The following LNP1 variants were observed in gnomAD, a reference collection of about 807,000 sequenced individuals.
LNP1 encodes leukemia NUP98 fusion partner 1.
Under a neutral mutation model 14.5 loss-of-function variants are expected in LNP1, and 12 were observed. The ratio of observed to expected loss-of-function variants is 0.83; its 90% CI spans 0.53 to 1.34. The LOEUF is 1.34. Among genes scored for constraint, LNP1 ranks in the 40% most tolerant of loss-of-function variants. The pLI, the probability that LNP1 is intolerant of heterozygous loss-of-function variation, is 0.00. For missense variants in LNP1, 198 were observed against 210.9 expected, an observed-to-expected ratio of 0.94 and a Z score of 0.38; for synonymous variants, 75 against 71.4, an observed-to-expected ratio of 1.05 and a Z score of -0.26.
chr3:100,403,464 T>G (rs1185492235), intron 1 of LNP1, among the ~76,000 whole-genome samples: 1 of 152,018 alleles, frequency 6.6e-6, no homozygotes, highest in East Asian at 1.9e-4. Flanking sequence ...GTGGAAGACC[T>G]GAGTTTTTTT....
At chr3:100,417,260 T>C (rs1355110399) in intron 1 of LNP1, among the ~76,000 whole-genome samples, 1 of 152,156 alleles carries the variant, frequency 6.6e-6, no homozygotes, top group Admixed American at 6.6e-5. Flanking sequence ...GAATCTTTCT[T>C]TCTCTTTTAA....
Position 100,433,354 on chromosome 3 carries a change from T to C in LNP1, c.156+3469T>C, listed in dbSNP as rs183314741. Reference sequence around the variant, plus strand: ...TGTTCCTGTGTTAGTTTGCTGAGGGTGATGGCTTCCAGCTTCATCTATGTC... The same window carrying C: ...TGTTCCTGTGTTAGTTTGCTGAGGGCGATGGCTTCCAGCTTCATCTATGTC... On this transcript the variant is annotated intron_variant, in intron 2 of 3. Transcript: ENST00000383693. 7.6e-3 allele frequency among the ~76,000 whole-genome samples: 1,160 copies of C among 152,324 alleles called. 11 individuals carry two copies. Among genetic ancestry groups the C allele is most frequent in the Non-Finnish European group, 0.011 (751 of 68,028 alleles).
chr3:100,439,702 A>G (rs78425006), intron 2 of LNP1, among the ~76,000 whole-genome samples: 81 of 152,216 alleles, frequency 5.3e-4, no homozygotes, highest in African/African-American at 1.9e-3. Flanking sequence ...CCAAGGACGT[A>G]GGCACATGCC....
At chr3:100,439,064 G>A (rs555859242) in intron 2 of LNP1, among the ~76,000 whole-genome samples, 5 of 152,202 alleles carry the variant, frequency 3.3e-5, no homozygotes, top group East Asian at 1.9e-4. Context: ...ATGCCAAAGC[G>A]AAGAGACAAA....
intron 1 of LNP1, among the ~76,000 whole-genome samples, chr3:100,403,549 CT>C (rs1011570757): frequency 5.3e-5 from 8 of 152,040 alleles, no homozygotes; most frequent in Admixed American, 5.2e-4. Flanking sequence ...ACTGCAGCCT[CT>C]GCCTGCAGGC....
chr3:100,447,437 T>G (rs995333361), intron 2 of LNP1, among the ~76,000 whole-genome samples: 1 of 151,590 alleles, frequency 6.6e-6, no homozygotes, highest in African/African-American at 2.4e-5. Context: ...CATCACATAC[T>G]GGGGCCTGTT....
intron 2 of LNP1, among the ~76,000 whole-genome samples, chr3:100,432,236 T>C (rs866232082): frequency 1.4e-4 from 21 of 151,896 alleles, no homozygotes; most frequent in African/African-American, 4.6e-4. Context: ...AAGTATTATA[T>C]GCATAGGAGG....
At chr3:100,444,675 T>C (rs528654814) in intron 2 of LNP1, among the ~76,000 whole-genome samples, 1 of 152,300 alleles carries the variant, frequency 6.6e-6, no homozygotes, top group East Asian at 1.9e-4. Context: ...TTAACCAAAG[T>C]AATAACTCAA....
chr3:100,413,282 A>G (rs1002805076), intron 1 of LNP1, among the ~76,000 whole-genome samples: 1 of 152,052 alleles, frequency 6.6e-6, no homozygotes, highest in Non-Finnish European at 1.5e-5. Flanking sequence ...TTTCCCCCCA[A>G]TCCTGATGGT....
intron 1 of LNP1, among the ~76,000 whole-genome samples, chr3:100,423,456 G>C (rs1298057461): frequency 6.6e-6 from 1 of 152,012 alleles, no homozygotes; most frequent in Non-Finnish European, 1.5e-5. Flanking sequence ...CCAGGAGTTC[G>C]AGACCAGCCT....
chr3:100,409,242 C>T (rs1707000875), intron 1 of LNP1, among the ~76,000 whole-genome samples: 1 of 152,152 alleles, frequency 6.6e-6, no homozygotes, highest in African/African-American at 2.4e-5. Flanking sequence ...ACTGAAATAT[C>T]AGCTCTTCTT....
chr3:100,413,992 A>G (rs1400587410), intron 1 of LNP1, among the ~76,000 whole-genome samples: 1 of 152,220 alleles, frequency 6.6e-6, no homozygotes, highest in African/African-American at 2.4e-5. Flanking sequence ...CAATGAAGAA[A>G]AGACCCAATT....
chr3:100,422,625 G>A (rs1348261160), intron 1 of LNP1, among the ~76,000 whole-genome samples: 1 of 152,082 alleles, frequency 6.6e-6, no homozygotes, highest in Non-Finnish European at 1.5e-5. Flanking sequence ...GGTCTCTTGT[G>A]TAAGAGATGA....
intron 1 of LNP1, among the ~76,000 whole-genome samples, chr3:100,424,221 T>G (rs1007633577): frequency 4.6e-5 from 7 of 152,184 alleles, no homozygotes; most frequent in African/African-American, 1.7e-4. Context: ...ATCAAAGATT[T>G]GAAGAGTTCC....
At chr3:100,409,606 ATTTT>A (rs201827312) in intron 1 of LNP1, among the ~76,000 whole-genome samples, 36 of 124,462 alleles carry the variant, frequency 2.9e-4, no homozygotes, top group African/African-American at 2.6e-4. Flanking sequence ...ATATATATAT[ATTTT>A]TTTTTTTTTT....
At chr3:100,407,683 A>G (rs1030476915) in intron 1 of LNP1, among the ~76,000 whole-genome samples, 9 of 152,060 alleles carry the variant, frequency 5.9e-5, no homozygotes, top group African/African-American at 2.2e-4. Context: ...TAAGCCTTTT[A>G]CACCCTTATC....
intron 2 of LNP1, among the ~76,000 whole-genome samples, chr3:100,431,817 A>T (rs1576232039): frequency 7.5e-6 from 1 of 133,152 alleles, no homozygotes. Flanking sequence ...ACATAGTGAG[A>T]CTCCGTCTCT....
At chr3:100,415,707 A>G (rs1055440262) in intron 1 of LNP1, among the ~76,000 whole-genome samples, 1 of 152,166 alleles carries the variant, frequency 6.6e-6, no homozygotes, top group African/African-American at 2.4e-5. Context: ...TAATAGCAAA[A>G]AGTGGAAATT....
intron 2 of LNP1, among the ~76,000 whole-genome samples, chr3:100,451,314 G>A (rs114443200): frequency 6.6e-6 from 1 of 152,174 alleles, no homozygotes; most frequent in East Asian, 1.9e-4. Flanking sequence ...ACATTGGTTC[G>A]ATTTGAAAAG....
Sources: allele counts gnomAD v4.1 joint callset (sites outside exome capture counted in the v4.1 genomes callset), GRCh38; gene constraint gnomAD v4.1.1; transcripts MANE v1.5; gene names NCBI Gene and HGNC (gene_info 2026-07-23, HGNC 2026-07-21).